SGCD: variants seen among roughly 807,000 people sequenced by gnomAD.
SGCD encodes the protein delta-sarcoglycan.
SGCD carries 18 observed loss-of-function variants against 36.6 expected under a neutral mutation model. The ratio of observed to expected loss-of-function variants is 0.49; its 90% CI spans 0.34 to 0.73. SGCD has a LOEUF of 0.73. SGCD is among the 30% of genes least tolerant of loss of function. The pLI is 0.01. For synonymous variants in SGCD, 133 were observed against 130.6 expected, an observed-to-expected ratio of 1.02 and a Z score of -0.12; for missense variants, 387 against 346.7, an observed-to-expected ratio of 1.12 and a Z score of -0.92.
chr5:156,292,341 A>C (rs1766779649), intron 3 of SGCD, among the ~76,000 whole-genome samples: 9 of 152,074 alleles, frequency 5.9e-5, no homozygotes, highest in Admixed American at 5.9e-4. Context: ...ATTTTGACTA[A>C]GTACCACGAA....
At chr5:156,434,743 A>G (rs1430408523) in intron 3 of SGCD, among the ~76,000 whole-genome samples, 1 of 152,206 alleles carries the variant, frequency 6.6e-6, no homozygotes, top group African/African-American at 2.4e-5. Flanking sequence ...GGTCACAAAC[A>G]TGCACCGGTG....
Position 156,092,807 on chromosome 5 carries a change from G to T in SGCD, c.-281-25071G>T, listed in dbSNP as rs113892554. Among the ~76,000 whole-genome samples the T allele has an allele frequency of 6.4e-3, 968 of 152,312 alleles. 4 individuals carry two copies. The highest frequency in any genetic ancestry group is 0.022 in the African/African-American group (915 of 41,570). On this transcript the variant is annotated intron_variant, in intron 1 of 9. Transcript: ENST00000517913. ...GGGATTGGGCATTCTGACATATAGA[G>T]AAAGCTGTTTCTTTAGTTCCAGGCC... is the stretch of plus-strand genomic sequence containing the variant.
intron 1 of SGCD, among the ~76,000 whole-genome samples, chr5:155,892,775 C>T (rs757454235): frequency 1.1e-4 from 17 of 152,328 alleles, no homozygotes; most frequent in South Asian, 2.1e-4. Flanking sequence ...AATAGTATTA[C>T]ATTGTGTATA....
chr5:155,923,075 A>G (rs1371960647), intron 1 of SGCD, among the ~76,000 whole-genome samples: 1 of 152,232 alleles, frequency 6.6e-6, no homozygotes, highest in African/African-American at 2.4e-5. Context: ...TATCCTTGAT[A>G]TGATAGAACT....
chr5:156,602,589 T>C (rs926822059), intron 6 of SGCD, among the ~76,000 whole-genome samples: 1 of 152,182 alleles, frequency 6.6e-6, no homozygotes, highest in Non-Finnish European at 1.5e-5. Flanking sequence ...ATTTCTTGTA[T>C]ATGGCCTTTA....
intron 1 of SGCD, among the ~76,000 whole-genome samples, chr5:155,978,048 C>T (rs1267332508): frequency 5.3e-5 from 8 of 152,090 alleles, no homozygotes; most frequent in African/African-American, 1.7e-4. Context: ...TAGCTGAGAT[C>T]ATGCCACTGC....
chr5:156,493,351 G>A, intron 3 of SGCD, among the ~76,000 whole-genome samples: 1 of 152,086 alleles, frequency 6.6e-6, no homozygotes, highest in Middle Eastern at 3.2e-3. Context: ...TACTTTACCT[G>A]TCTAACCCAG....
chr5:156,143,961 C>T (rs1262787515), intron 3 of SGCD, among the ~76,000 whole-genome samples: 1 of 140,142 alleles, frequency 7.1e-6, no homozygotes, highest in Non-Finnish European at 1.5e-5. Context: ...TTGTTCAATT[C>T]CCACCTATGA....
chr5:155,996,638 C>A (rs1758550557), intron 1 of SGCD, among the ~76,000 whole-genome samples: 1 of 151,664 alleles, frequency 6.6e-6, no homozygotes, highest in Non-Finnish European at 1.5e-5. Flanking sequence ...ATTAGCTGGG[C>A]ATGGTGGTGC....
chr5:156,236,434 T>C (rs1765164435), intron 3 of SGCD, among the ~76,000 whole-genome samples: 1 of 151,628 alleles, frequency 6.6e-6, no homozygotes, highest in Non-Finnish European at 1.5e-5. Context: ...TACAGGTGGA[T>C]AATGCTAATT....
intron 7 of SGCD, among the ~76,000 whole-genome samples, chr5:156,675,489 A>G (rs748907727): frequency 3.9e-5 from 6 of 152,194 alleles, no homozygotes; most frequent in Non-Finnish European, 7.3e-5. Context: ...GGATGGACCA[A>G]TTAATTTGCC....
intron 4 of SGCD, among the ~76,000 whole-genome samples, chr5:156,548,077 CTTTA>C (rs1164728407): frequency 6.6e-6 from 1 of 152,176 alleles, no homozygotes; most frequent in Non-Finnish European, 1.5e-5. Context: ...CTAACTGCTT[CTTTA>C]TTTATGTCCA....
intron 7 of SGCD, among the ~76,000 whole-genome samples, chr5:156,654,405 G>T (rs1763592799): frequency 6.6e-6 from 1 of 152,102 alleles, no homozygotes. Context: ...ACAGAAATTG[G>T]TCCAGGTGTG....
intron 1 of SGCD, among the ~76,000 whole-genome samples, chr5:155,945,200 A>G (rs566924843): frequency 2.0e-5 from 3 of 152,376 alleles, no homozygotes. Context: ...TTGTAAAACC[A>G]TGTTAATACT....
intron 7 of SGCD, among the ~76,000 whole-genome samples, chr5:156,699,531 T>G (rs1310279517): frequency 6.6e-6 from 1 of 152,140 alleles, no homozygotes; most frequent in Non-Finnish European, 1.5e-5. Flanking sequence ...AAGGTGATAA[T>G]TGGAATCTCT....
At chr5:155,997,456 G>C (rs1249000599) in intron 1 of SGCD, among the ~76,000 whole-genome samples, 1 of 152,222 alleles carries the variant, frequency 6.6e-6, no homozygotes, top group Non-Finnish European at 1.5e-5. Context: ...TCATAAGCCT[G>C]CCTGGGGACA....
At chr5:156,552,010 G>A (rs766013967) in intron 4 of SGCD, among the ~76,000 whole-genome samples, 6 of 152,052 alleles carry the variant, frequency 3.9e-5, no homozygotes, top group Non-Finnish European at 5.9e-5. Context: ...ATTTGATTTG[G>A]CTTGTTTAAC....
chr5:156,096,590 C>T (rs889165908), intron 1 of SGCD, among the ~76,000 whole-genome samples: 1 of 152,124 alleles, frequency 6.6e-6, no homozygotes, highest in Non-Finnish European at 1.5e-5. Context: ...CAACTGCAGC[C>T]GTCAGGTAAT....
intron 3 of SGCD, among the ~76,000 whole-genome samples, chr5:156,503,286 G>T (rs1756534368): frequency 6.6e-6 from 1 of 152,160 alleles, no homozygotes; most frequent in African/African-American, 2.4e-5. Context: ...CACAGCACAT[G>T]ATTATACACA....
Sources: allele counts gnomAD v4.1 joint callset (sites outside exome capture counted in the v4.1 genomes callset), GRCh38; gene constraint gnomAD v4.1.1; transcripts MANE v1.5; gene names NCBI Gene and HGNC (gene_info 2026-07-23, HGNC 2026-07-21).